FAM3B: variants seen among roughly 807,000 people sequenced by gnomAD.
FAM3B encodes the protein protein FAM3B.
In FAM3B, 29 loss-of-function variants were observed where a neutral mutation model predicts 28.4. The observed-to-expected ratio is 1.02, with a 90% CI of 0.76 to 1.39. FAM3B has a LOEUF of 1.39. Among genes scored for constraint, FAM3B ranks in the 40% most tolerant of loss-of-function variants. The pLI is 0.00. For missense variants in FAM3B, 266 were observed against 293.9 expected, an observed-to-expected ratio of 0.91 and a Z score of 0.69; for synonymous variants, 91 against 103.0, an observed-to-expected ratio of 0.88 and a Z score of 0.71.
chr21:41,314,064 G>A (rs2088730823), upstream of FAM3B, among the ~76,000 whole-genome samples: 1 of 152,154 alleles, frequency 6.6e-6, no homozygotes, highest in Non-Finnish European at 1.5e-5. Flanking sequence ...ATGGCTTTGG[G>A]GTGGTTGGAG....
intron 7 of FAM3B, among the ~76,000 whole-genome samples, chr21:41,354,751 G>A (rs1381225647): frequency 6.6e-6 from 1 of 152,078 alleles, no homozygotes. Context: ...TAATACCTGG[G>A]TGATGAAATA....
chr21:41,337,583 A>G (rs112231428), intron 2 of FAM3B, among the ~76,000 whole-genome samples: 4 of 152,176 alleles, frequency 2.6e-5, no homozygotes, highest in Admixed American at 1.3e-4. Context: ...AGAGTGGGTC[A>G]GCTGTGGTGG....
chr21:41,336,168 G>C (rs967491092), intron 2 of FAM3B, among the ~76,000 whole-genome samples: 1 of 152,126 alleles, frequency 6.6e-6, no homozygotes, highest in African/African-American at 2.4e-5. Flanking sequence ...ATGAGAAATG[G>C]GCCCTCATCA....
intron 1 of FAM3B, among the ~76,000 whole-genome samples, chr21:41,304,673 C>T (rs1431020975): frequency 5.9e-5 from 9 of 152,186 alleles, no homozygotes; most frequent in East Asian, 3.9e-4. Flanking sequence ...CGACCCCACA[C>T]GGGCGACCAG....
At chr21:41,335,313 T>C (rs2088945490) in intron 2 of FAM3B, among the ~76,000 whole-genome samples, 1 of 152,180 alleles carries the variant, frequency 6.6e-6, no homozygotes, top group African/African-American at 2.4e-5. Context: ...TGATTTGCAT[T>C]TGTGTCCCCA....
chr21:41,306,935 C>T (rs994041230), intron 1 of FAM3B, among the ~76,000 whole-genome samples: 3 of 152,164 alleles, frequency 2.0e-5, no homozygotes, highest in African/African-American at 7.2e-5. Context: ...TCTTAAGGGC[C>T]TTAGGCATTT....
upstream of FAM3B, chr21:41,316,719 G>A (rs866199676): frequency 1.3e-4 from 71 of 552,620 alleles, no homozygotes; most frequent in African/African-American, 1.2e-3. Context: ...GCACCTGCCG[G>A]GTCCGCACCT....
At chr21:41,329,253 A>G (rs2088883044) in intron 2 of FAM3B, among the ~76,000 whole-genome samples, 1 of 152,208 alleles carries the variant, frequency 6.6e-6, no homozygotes. Context: ...TACTAAATGG[A>G]AAACTCCAGA....
intron 7 of FAM3B, among the ~76,000 whole-genome samples, chr21:41,355,587 G>T (rs545664960): frequency 1.4e-5 from 2 of 142,762 alleles, no homozygotes; most frequent in African/African-American, 2.5e-5. Context: ...AAACACAAAA[G>T]GTCACATATT....
intron 1 of FAM3B, chr21:41,304,421 A>T: frequency 2.6e-6 from 1 of 386,856 alleles, no homozygotes; most frequent in South Asian, 1.8e-5. Flanking sequence ...GAAGGGCCCC[A>T]GGTTGCCTGC....
At chr21:41,343,670 A>T (rs2089027658) in intron 3 of FAM3B, among the ~76,000 whole-genome samples, 2 of 152,250 alleles carry the variant, frequency 1.3e-5, no homozygotes, top group South Asian at 4.1e-4. Flanking sequence ...GACACTTGAC[A>T]ATGGGAACAT....
intron 1 of FAM3B, among the ~76,000 whole-genome samples, chr21:41,310,276 C>G (rs537655418): frequency 1.7e-3 from 259 of 152,206 alleles, no homozygotes; most frequent in Non-Finnish European, 8.2e-4. Context: ...CTTGGTGGCA[C>G]CACGTGACCA....
intron 3 of FAM3B, among the ~76,000 whole-genome samples, chr21:41,341,968 G>T (rs891320567): frequency 6.6e-6 from 1 of 152,194 alleles, no homozygotes. Context: ...ATGTTCTGCT[G>T]ATGGTGAATT....
chr21:41,350,111 C>T (rs1392832990), intron 7 of FAM3B, among the ~76,000 whole-genome samples: 6 of 152,186 alleles, frequency 3.9e-5, no homozygotes, highest in African/African-American at 9.7e-5. Flanking sequence ...CCGGGGCTTA[C>T]GGTCCTGTGT....
intron 7 of FAM3B, among the ~76,000 whole-genome samples, chr21:41,351,642 G>A (rs2089121218): frequency 6.6e-6 from 1 of 152,122 alleles, no homozygotes; most frequent in African/African-American, 2.4e-5. Flanking sequence ...ACCCATGTTG[G>A]GAGGGCCTCC....
intron 3 of FAM3B, among the ~76,000 whole-genome samples, chr21:41,339,416 G>T (rs2145819344): frequency 6.6e-6 from 1 of 152,314 alleles, no homozygotes; most frequent in East Asian, 1.9e-4. Context: ...TTAATGGGAT[G>T]TGGTATTTAG....
chr21:41,323,389 G>A (rs1055522047), intron 2 of FAM3B, among the ~76,000 whole-genome samples: 3 of 152,336 alleles, frequency 2.0e-5, no homozygotes, highest in East Asian at 1.9e-4. Context: ...CTGAGATCCC[G>A]AATCATTTTA....
Position 41,317,042 on chromosome 21 carries a change from C to A in FAM3B, c.19+144C>A, listed in dbSNP as rs530397031. ...TCTTGGCGCCGAGGCTGGTCTTAGA[C>A]CTGGGATCAGGAATGCGGGAAGCGA... On this transcript the variant is annotated intron_variant, in intron 1 of 7. Coordinates refer to ENST00000357985, the MANE Select transcript of FAM3B (RefSeq NM_058186.4). 97 of 743,330 alleles carry A rather than the reference C, an allele frequency of 1.3e-4. 1 individual carries two copies. In the South Asian group the frequency reaches 4.2e-3, roughly 32 times the overall value. 46.0% of individuals were successfully genotyped at this position (743,330 alleles called of 1,614,324 possible).
At position 41,316,844 on chromosome 21, in the gene FAM3B, T is replaced by C; in HGVS notation, c.-36T>C. ...CCGCTGGCTGCGGTCGCCTGGGAGC[T>C]GCCGCCAGGGCCAGGAGGGGAGCGG... On this transcript the variant is annotated 5_prime_UTR_variant, in exon 1 of 8. Coordinates refer to ENST00000357985, the MANE Select transcript of FAM3B (RefSeq NM_058186.4). 1 of 1,435,922 alleles carries C rather than the reference T, an allele frequency of 7.0e-7. No homozygotes were observed. The highest frequency in any genetic ancestry group is 9.1e-7 in the Non-Finnish European group (1 of 1,097,780). 88.9% of individuals were successfully genotyped at this position (1,435,922 alleles called of 1,614,324 possible).
Sources: gnomAD v4.1 joint callset for allele counts (sites outside exome capture counted in the v4.1 genomes callset) on GRCh38, gnomAD v4.1.1 for gene constraint, MANE v1.5 for transcripts, NCBI Gene and HGNC (gene_info 2026-07-23, HGNC 2026-07-21) for gene names.